MBD5: variants seen among roughly 807,000 people sequenced by gnomAD.
MBD5 encodes methyl-CpG binding domain protein 5.
Under a neutral mutation model 117.3 loss-of-function variants are expected in MBD5, and 13 were observed. The observed-to-expected ratio is 0.11, with a 90% CI of 0.07 to 0.18. MBD5 has a LOEUF of 0.18. Ranked by LOEUF, MBD5 falls within the 10% of genes least tolerant of loss-of-function variation. The pLI, the probability that MBD5 is intolerant of heterozygous loss-of-function variation, is 1.00. For synonymous variants in MBD5, 727 were observed against 766.4 expected (o/e 0.95, Z 0.85); for missense variants, 1,879 against 2,093.8 (o/e 0.90, Z 2.00).
chr2:148,086,583 G>T (rs1328961130), intron 1 of MBD5, among the ~76,000 whole-genome samples: 1 of 152,054 alleles, frequency 6.6e-6, no homozygotes, highest in Non-Finnish European at 1.5e-5. Context: ...CCCTACCACA[G>T]CCTTTACATA....
chr2:148,173,672 A>T (rs143800433), intron 1 of MBD5, among the ~76,000 whole-genome samples: 51 of 152,284 alleles, frequency 3.3e-4, no homozygotes, highest in African/African-American at 1.2e-3. Context: ...GTGAGCTATG[A>T]TCCTGCTCCT....
chr2:148,353,906 A>G (rs1447908680), intron 4 of MBD5, among the ~76,000 whole-genome samples: 1 of 151,822 alleles, frequency 6.6e-6, no homozygotes, highest in Non-Finnish European at 1.5e-5. Context: ...CTCTATTTTT[A>G]GTTTCTCTGT....
intron 3 of MBD5, among the ~76,000 whole-genome samples, chr2:148,281,244 A>G (rs1701238625): frequency 6.6e-6 from 1 of 152,110 alleles, no homozygotes; most frequent in Admixed American, 6.5e-5. Flanking sequence ...ACATGACTTA[A>G]CGCTGTTTCA....
At chr2:148,103,408 A>T (rs1696281722) in intron 1 of MBD5, among the ~76,000 whole-genome samples, 1 of 152,156 alleles carries the variant, frequency 6.6e-6, no homozygotes, top group African/African-American at 2.4e-5. Context: ...GGCCATAGAA[A>T]AGTTAAGATA....
At chr2:148,484,683 G>C (rs960342524) in intron 9 of MBD5, among the ~76,000 whole-genome samples, 1 of 152,162 alleles carries the variant, frequency 6.6e-6, no homozygotes, top group African/African-American at 2.4e-5. Context: ...CCCTCTAGCT[G>C]CTACTAGATT....
intron 1 of MBD5, among the ~76,000 whole-genome samples, chr2:148,086,254 T>G (rs931495784): frequency 3.3e-5 from 5 of 151,968 alleles, no homozygotes; most frequent in African/African-American, 1.2e-4. Flanking sequence ...TAGAGAGAGA[T>G]ATTTGTATAC....
At chr2:148,417,808 G>T (rs891338817) in intron 4 of MBD5, among the ~76,000 whole-genome samples, 6 of 150,296 alleles carry the variant, frequency 4.0e-5, no homozygotes, top group African/African-American at 1.2e-4. Context: ...AATGGGTTGG[G>T]TTTTTTTTTG....
chr2:148,218,692 A>G (rs971860610), intron 2 of MBD5, among the ~76,000 whole-genome samples: 2 of 152,374 alleles, frequency 1.3e-5, no homozygotes, highest in Admixed American at 1.3e-4. Flanking sequence ...AAACCTGTGC[A>G]GCATATTATT....
chr2:148,049,344 G>A (rs906834953), intron 1 of MBD5, among the ~76,000 whole-genome samples: 1 of 152,152 alleles, frequency 6.6e-6, no homozygotes, highest in Admixed American at 6.5e-5. Flanking sequence ...ATGGAAATCT[G>A]TCAGTGGGAG....
intron 3 of MBD5, among the ~76,000 whole-genome samples, chr2:148,313,029 G>C (rs141904158): frequency 6.6e-6 from 1 of 152,080 alleles, no homozygotes; most frequent in African/African-American, 2.4e-5. Context: ...TGGAAGGTTC[G>C]TCCCAGAGTG....
At chr2:148,137,557 C>T (rs776732540) in intron 1 of MBD5, among the ~76,000 whole-genome samples, 64 of 152,156 alleles carry the variant, frequency 4.2e-4, no homozygotes, top group Non-Finnish European at 7.2e-4. Context: ...GCCAGGAATT[C>T]AAGACCAGCC....
At chr2:148,068,526 T>A (rs796187144) in intron 1 of MBD5, 9 of 152,314 alleles carry the variant, frequency 5.9e-5, no homozygotes, top group African/African-American at 2.2e-4. Context: ...CTCTGTGTCA[T>A]AGTACCCATA....
chr2:148,483,056 CA>C, intron 8 of MBD5, 53 bp from the exon 9 acceptor site: 1 of 1,579,532 alleles, frequency 6.3e-7, no homozygotes. Flanking sequence ...CCTAGTCTCA[CA>C]TAACATTCAT....
intron 1 of MBD5, among the ~76,000 whole-genome samples, chr2:148,033,860 C>T (rs1277711190): frequency 6.6e-6 from 1 of 152,142 alleles, no homozygotes; most frequent in East Asian, 1.9e-4. Flanking sequence ...GAATTTAGAG[C>T]TTATTTATTT....
At chr2:148,216,039 G>A (rs1359535389) in intron 2 of MBD5, among the ~76,000 whole-genome samples, 1 of 152,058 alleles carries the variant, frequency 6.6e-6, no homozygotes, top group African/African-American at 2.4e-5. Flanking sequence ...AAGATTACAA[G>A]AAGAAAAACA....
At chr2:148,424,533 C>G (rs1422309671) in intron 4 of MBD5, among the ~76,000 whole-genome samples, 1 of 151,892 alleles carries the variant, frequency 6.6e-6, no homozygotes, top group Non-Finnish European at 1.5e-5. Context: ...ACCAAGGCAA[C>G]TTTATAGACA....
At chr2:148,282,116 C>A (rs1001677226) in intron 3 of MBD5, among the ~76,000 whole-genome samples, 1 of 151,970 alleles carries the variant, frequency 6.6e-6, no homozygotes, top group Admixed American at 6.6e-5. Flanking sequence ...AATAATATAT[C>A]TTATACTTTA....
At chr2:148,204,671 A>G (rs1699232379) in intron 2 of MBD5, among the ~76,000 whole-genome samples, 1 of 152,230 alleles carries the variant, frequency 6.6e-6, no homozygotes, top group South Asian at 2.1e-4. Flanking sequence ...TAACAGCTAC[A>G]GGATCTTATA....
chr2:148,098,103 T>C (rs1318864115), intron 1 of MBD5, among the ~76,000 whole-genome samples: 1 of 152,174 alleles, frequency 6.6e-6, no homozygotes, highest in Non-Finnish European at 1.5e-5. Context: ...ATAAAGTTTG[T>C]ATTTTAGAAC....
Sources: gnomAD v4.1 joint callset for allele counts (sites outside exome capture counted in the v4.1 genomes callset) on GRCh38, gnomAD v4.1.1 for gene constraint, MANE v1.5 for transcripts, NCBI Gene and HGNC (gene_info 2026-07-23, HGNC 2026-07-21) for gene names.